The following SIK3 variants were observed in gnomAD, a reference collection of about 807,000 sequenced individuals.
SIK3 encodes the protein SIK family kinase 3.
Under a neutral mutation model 144.2 loss-of-function variants are expected in SIK3, and 28 were observed. The observed-to-expected ratio is 0.19, with a 90% CI of 0.14 to 0.27. The LOEUF (loss-of-function observed/expected upper bound fraction) is 0.27. SIK3 is among the 10% of genes least tolerant of loss of function. The pLI is 1.00. For synonymous variants in SIK3, 686 were observed against 676.3 expected, an observed-to-expected ratio of 1.01 and a Z score of -0.22; for missense variants, 1,319 against 1,776.0, an observed-to-expected ratio of 0.74 and a Z score of 4.62.
At chr11:116,887,152 C>T (rs999697523) in intron 6 of SIK3, among the ~76,000 whole-genome samples, 2 of 151,228 alleles carry the variant, frequency 1.3e-5, no homozygotes, top group Middle Eastern at 6.8e-3. Context: ...CGCCTATGAT[C>T]CCAGCATTTT....
At chr11:117,050,268 G>A (rs112422338) in intron 1 of SIK3, among the ~76,000 whole-genome samples, 11,415 of 150,374 alleles carry the variant, frequency 0.076, 774 homozygotes, top group African/African-American at 0.18. Context: ...CAGCCTGGGC[G>A]ACAAGATCAA....
intron 4 of SIK3, among the ~76,000 whole-genome samples, chr11:116,903,691 C>T (rs1343469165): frequency 3.9e-5 from 6 of 152,218 alleles, no homozygotes; most frequent in Non-Finnish European, 7.3e-5. Flanking sequence ...AAGCCATCTT[C>T]CTGCCTCAGC....
intron 1 of SIK3, among the ~76,000 whole-genome samples, chr11:116,979,183 T>C (rs999781818): frequency 1.3e-5 from 2 of 152,178 alleles, no homozygotes; most frequent in African/African-American, 4.8e-5. Flanking sequence ...TTTCCCTGTT[T>C]GGTGGGGGAA....
chr11:117,088,142 T>C (rs573687465), intron 1 of SIK3, among the ~76,000 whole-genome samples: 2 of 152,188 alleles, frequency 1.3e-5, no homozygotes, highest in Admixed American at 1.3e-4. Flanking sequence ...GAGGCTGAAG[T>C]AGAAGGATGA....
intron 2 of SIK3, among the ~76,000 whole-genome samples, chr11:116,955,072 C>A (rs977723996): frequency 4.6e-5 from 7 of 151,820 alleles, no homozygotes; most frequent in Non-Finnish European, 1.0e-4. Flanking sequence ...TTTAGTTTTA[C>A]ACTTAAATTA....
chr11:116,970,697 C>T lies in SIK3; in HGVS notation c.274-13633G>A, dbSNP rs80322573. ...ACAGAGTCTTGCTCCGTTGACCACGCTGGAGTGCAATGATGTGATAATAGC... is the reference window on the plus strand; with the variant it reads ...ACAGAGTCTTGCTCCGTTGACCACGTTGGAGTGCAATGATGTGATAATAGC... On this transcript the variant is annotated intron_variant, in intron 1 of 24. Coordinates refer to ENST00000445177, the MANE Select transcript of SIK3 (RefSeq NM_001366686.3). Among the ~76,000 whole-genome samples the T allele has an allele frequency of 8.7e-3, 1,326 of 152,182 alleles. 9 individuals carry two copies. Among genetic ancestry groups the T allele is most frequent in the Admixed American group, 0.014 (213 of 15,286 alleles).
At chr11:116,951,867 G>A (rs544718398) in intron 3 of SIK3, among the ~76,000 whole-genome samples, 3 of 151,974 alleles carry the variant, frequency 2.0e-5, no homozygotes, top group Admixed American at 1.3e-4. Flanking sequence ...CCAGGAAGCT[G>A]GGGGTGCACT....
Position 117,062,029 on chromosome 11 carries a change from A to T in SIK3, c.273+36114T>A, listed in dbSNP as rs538562316. On this transcript the variant is annotated intron_variant, in intron 1 of 24. Coordinates refer to ENST00000445177, the MANE Select transcript of SIK3 (RefSeq NM_001366686.3). Reference sequence around the variant, plus strand: ...AATTGGGTATAGATTTTTTTTTTTTAAATAAAAAAGTCAAGCCAGGCACAG... The same window carrying T: ...AATTGGGTATAGATTTTTTTTTTTTTAATAAAAAAGTCAAGCCAGGCACAG... Among the ~76,000 whole-genome samples the T allele has an allele frequency of 5.2e-4, 78 of 150,312 alleles. 1 individual carries two copies. The highest frequency in any genetic ancestry group is 1.6e-3 in the African/African-American group (64 of 40,336).
chr11:116,986,584 C>T lies in SIK3; in HGVS notation c.274-29520G>A, dbSNP rs1950333341. Among the ~76,000 whole-genome samples the T allele has an allele frequency of 2.0e-5, 3 of 152,188 alleles. No homozygotes were observed. The South Asian group carries it at 6.2e-4, about 32-fold the overall frequency. On this transcript the variant is annotated intron_variant, in intron 1 of 24. Coordinates refer to ENST00000445177, the MANE Select transcript of SIK3 (RefSeq NM_001366686.3). Reference sequence around the variant, plus strand: ...CAAGAACTTCCTTTATGTATCTATACATTGTCATGCACCCAATCTTTCCTT... The same window carrying T: ...CAAGAACTTCCTTTATGTATCTATATATTGTCATGCACCCAATCTTTCCTT...
intron 1 of SIK3, among the ~76,000 whole-genome samples, chr11:117,066,931 A>G (rs1954052269): frequency 6.6e-6 from 1 of 152,332 alleles, no homozygotes; most frequent in East Asian, 1.9e-4. Context: ...GATACTCAAT[A>G]TCATTAGTCA....
chr11:116,873,048 T>C (rs1010698300), intron 13 of SIK3, among the ~76,000 whole-genome samples: 3 of 152,224 alleles, frequency 2.0e-5, no homozygotes, highest in Admixed American at 6.5e-5. Context: ...ATGTGAGGTG[T>C]GTTTATCAAT....
At chr11:116,999,975 A>G (rs1213105284) in intron 1 of SIK3, among the ~76,000 whole-genome samples, 1 of 152,246 alleles carries the variant, frequency 6.6e-6, no homozygotes, top group Non-Finnish European at 1.5e-5. Context: ...TTTGTTTAAT[A>G]AAGTTTTTCC....
At chr11:117,096,360 G>A (rs1955469520) in intron 1 of SIK3, among the ~76,000 whole-genome samples, 1 of 152,056 alleles carries the variant, frequency 6.6e-6, no homozygotes, top group Non-Finnish European at 1.5e-5. Context: ...ATAACCACAG[G>A]AGCACAAAGT....
At chr11:117,034,732 TTTACAGAG>T (rs753888785) in intron 1 of SIK3, among the ~76,000 whole-genome samples, 23 of 152,204 alleles carry the variant, frequency 1.5e-4, no homozygotes, top group Non-Finnish European at 2.1e-4. Context: ...CATTTCAAAC[TTTACAGAG>T]TTACCTGGAA....
chr11:116,930,884 T>A (rs1313654350), intron 3 of SIK3, among the ~76,000 whole-genome samples: 1 of 151,684 alleles, frequency 6.6e-6, no homozygotes, highest in Non-Finnish European at 1.5e-5. Context: ...TTAGTTGCCA[T>A]TATAGGTCTG....
chr11:116,948,147 A>G (rs1031555579), intron 3 of SIK3, among the ~76,000 whole-genome samples: 4 of 151,156 alleles, frequency 2.6e-5, no homozygotes, highest in African/African-American at 7.3e-5. Flanking sequence ...CATGTTGCCC[A>G]GGCTGGTCTT....
At chr11:116,877,337 T>C (rs1055738102) in intron 6 of SIK3, among the ~76,000 whole-genome samples, 7 of 152,220 alleles carry the variant, frequency 4.6e-5, no homozygotes, top group African/African-American at 1.7e-4. Flanking sequence ...ATTTATATTA[T>C]GTATATGGCC....
intron 1 of SIK3, among the ~76,000 whole-genome samples, chr11:116,965,746 T>TAA (rs1949509268): frequency 1.8e-4 from 1 of 5,420 alleles, no homozygotes. Context: ...TATATATATA[T>TAA]ATATATATAT....
intron 4 of SIK3, among the ~76,000 whole-genome samples, chr11:116,921,735 T>C (rs1361376999): frequency 6.6e-6 from 1 of 152,160 alleles, no homozygotes; most frequent in Non-Finnish European, 1.5e-5. Context: ...AACATCTCTT[T>C]AAAAATTCTA....
Sources: allele counts gnomAD v4.1 joint callset (sites outside exome capture counted in the v4.1 genomes callset), GRCh38; gene constraint gnomAD v4.1.1; transcripts MANE v1.5; gene names NCBI Gene and HGNC (gene_info 2026-07-23, HGNC 2026-07-21).